The following ABCC4 variants were observed in gnomAD, a reference collection of about 807,000 sequenced individuals.
The protein encoded by ABCC4 is ATP-binding cassette sub-family C member 4.
In ABCC4, 102 loss-of-function variants were observed where a neutral mutation model predicts 168.5. The ratio of observed to expected loss-of-function variants is 0.61; its 90% CI spans 0.52 to 0.71. The LOEUF is 0.71. Ranked by LOEUF, ABCC4 falls within the 30% of genes least tolerant of loss-of-function variation. The probability of loss-of-function intolerance (pLI) is 0.00; values close to 1 mark genes in which losing one functional copy is unlikely to be tolerated. For synonymous variants in ABCC4, 617 were observed against 590.7 expected, an observed-to-expected ratio of 1.04 and a Z score of -0.65; for missense variants, 1,402 against 1,605.8, an observed-to-expected ratio of 0.87 and a Z score of 2.17.
intron 19 of ABCC4, among the ~76,000 whole-genome samples, chr13:95,157,098 A>G (rs1397758149): frequency 6.9e-6 from 1 of 145,616 alleles, no homozygotes; most frequent in Non-Finnish European, 1.5e-5. Flanking sequence ...CCACACACAC[A>G]CACACACACA....
chr13:95,059,490 G>T (rs1396821627), intron 26 of ABCC4, among the ~76,000 whole-genome samples: 1 of 152,188 alleles, frequency 6.6e-6, no homozygotes, highest in Non-Finnish European at 1.5e-5. Flanking sequence ...CTGCCTGCTC[G>T]CGAAATGCAA....
intron 19 of ABCC4, among the ~76,000 whole-genome samples, chr13:95,125,909 C>A (rs2139436626): frequency 6.6e-6 from 1 of 152,280 alleles, no homozygotes; most frequent in East Asian, 1.9e-4. Flanking sequence ...ACGTAGCATC[C>A]AGAAGGTACA....
intron 15 of ABCC4, among the ~76,000 whole-genome samples, chr13:95,164,755 C>T (rs748811416): frequency 6.6e-6 from 1 of 152,026 alleles, no homozygotes; most frequent in Non-Finnish European, 1.5e-5. Context: ...AGTGTAGTGG[C>T]GCGATCTTGG....
chr13:95,191,140 G>C (rs911536128), intron 9 of ABCC4, among the ~76,000 whole-genome samples: 1 of 152,206 alleles, frequency 6.6e-6, no homozygotes, highest in African/African-American at 2.4e-5. Context: ...TCTCAAGCGG[G>C]CATGTGCAAT....
intron 1 of ABCC4, among the ~76,000 whole-genome samples, chr13:95,300,809 G>C (rs957568830): frequency 2.0e-5 from 3 of 152,240 alleles, no homozygotes; most frequent in Non-Finnish European, 4.4e-5. Context: ...AGGTGCGTTT[G>C]AGTTCAGGAG....
At chr13:95,218,984 AGAGTG>A (rs764261040) in intron 4 of ABCC4, among the ~76,000 whole-genome samples, 2,477 of 38,830 alleles carry the variant, frequency 0.064, 244 homozygotes, top group African/African-American at 0.18. Context: ...AAAGAAAGAA[AGAGTG>A]AGAAAGAAAG....
intron 19 of ABCC4, among the ~76,000 whole-genome samples, chr13:95,123,617 C>T (rs146471195): frequency 3.0e-3 from 455 of 152,308 alleles, no homozygotes; most frequent in African/African-American, 0.011. Flanking sequence ...CCACCTCAGC[C>T]TCCAAAGTGC....
At chr13:95,299,019 G>A (rs750957097) in intron 1 of ABCC4, among the ~76,000 whole-genome samples, 3 of 152,014 alleles carry the variant, frequency 2.0e-5, no homozygotes, top group East Asian at 1.9e-4. Flanking sequence ...TTGGGTGGCC[G>A]AAGCGGGAGG....
chr13:95,178,896 T>C (rs917109055), intron 11 of ABCC4, among the ~76,000 whole-genome samples: 2 of 152,160 alleles, frequency 1.3e-5, no homozygotes, highest in African/African-American at 2.4e-5. Flanking sequence ...GTAGCACCTA[T>C]AGGATCTGCT....
chr13:95,179,708 C>G (rs2037827199), intron 11 of ABCC4, among the ~76,000 whole-genome samples: 1 of 152,142 alleles, frequency 6.6e-6, no homozygotes, highest in African/African-American at 2.4e-5. Flanking sequence ...AAGCATCAAC[C>G]TAGGACACTA....
At position 95,206,224 on chromosome 13, in the gene ABCC4, T is replaced by C. The variant is rs1030508322; in HGVS notation, c.1161+308A>G. Among the ~76,000 whole-genome samples, 7 of 152,228 alleles carry C rather than the reference T, an allele frequency of 4.6e-5. 1 individual carries two copies. Among genetic ancestry groups the C allele is most frequent in the Admixed American group, 2.6e-4 (4 of 15,292 alleles). On this transcript the variant is annotated intron_variant, in intron 8 of 30. Transcript: ENST00000645237. ...ATTGGTGTTAACATAAGAGATGAAA[T>C]CTATTTGCTTTTCCTGCTTTTAGAC...
intron 1 of ABCC4, among the ~76,000 whole-genome samples, chr13:95,269,578 C>T (rs1026039500): frequency 1.3e-5 from 2 of 151,886 alleles, no homozygotes; most frequent in African/African-American, 4.8e-5. Flanking sequence ...AGAACAGGGA[C>T]CAGCAAAATC....
chr13:95,275,052 G>A (rs2040940204), intron 1 of ABCC4, among the ~76,000 whole-genome samples: 1 of 152,154 alleles, frequency 6.6e-6, no homozygotes, highest in Non-Finnish European at 1.5e-5. Context: ...ACTCCAGCCT[G>A]GGCAACAGAG....
At chr13:95,277,343 G>A (rs190236278) in intron 1 of ABCC4, among the ~76,000 whole-genome samples, 175 of 152,010 alleles carry the variant, frequency 1.2e-3, no homozygotes, top group African/African-American at 3.9e-3. Flanking sequence ...CACTTTGGGA[G>A]GCCAAGGAGG....
At chr13:95,130,885 T>C (rs866129909) in intron 19 of ABCC4, among the ~76,000 whole-genome samples, 1 of 152,190 alleles carries the variant, frequency 6.6e-6, no homozygotes, top group African/African-American at 2.4e-5. Flanking sequence ...AACTGCTATA[T>C]GGCATTTCCG....
intron 1 of ABCC4, among the ~76,000 whole-genome samples, chr13:95,294,350 T>C (rs2041473939): frequency 6.6e-6 from 1 of 151,872 alleles, no homozygotes; most frequent in African/African-American, 2.4e-5. Flanking sequence ...AAGACAGAGA[T>C]AGACTCCGTC....
chr13:95,289,598 A>C (rs1226150377), intron 1 of ABCC4, among the ~76,000 whole-genome samples: 1 of 152,174 alleles, frequency 6.6e-6, no homozygotes, highest in Non-Finnish European at 1.5e-5. Flanking sequence ...CTGGCTGAGC[A>C]CCCACAGAGG....
At position 95,301,345 on chromosome 13, in the gene ABCC4, T is replaced by C; in HGVS notation, c.-31A>G. The C allele has an allele frequency of 6.4e-7, 1 of 1,554,566 alleles. No individual in the cohort carries two copies. Among genetic ancestry groups the C allele is most frequent in the Non-Finnish European group, 8.7e-7 (1 of 1,151,222 alleles). The stretch of plus-strand genomic sequence containing the variant: ...CGGGCGGGGCGGGCGCGGGCCGGGG[T>C]CGCGCTGATCAGGCGGCGGTGGCCG... On this transcript the variant is annotated 5_prime_UTR_variant, in exon 1 of 31. Coordinates refer to ENST00000645237, the MANE Select transcript of ABCC4 (RefSeq NM_005845.5).
rs1416455412 is a variant in ABCC4, at chr13:95,234,708, T to C, written c.433A>G (p.Thr145Ala). The C allele has an allele frequency of 4.3e-6, 7 of 1,614,110 alleles. No homozygotes were observed. The highest frequency in any genetic ancestry group is 2.2e-5 in the East Asian group (1 of 44,872). ...YAYATVLTFC[T>A]LILAILHHLY... ...TGATGCAGTATAGCCAAAATGAGCG[T>C]GCAAAAAGTCAGCACCGTGGCATAG... The change falls in exon 4 of 31, where the codon ACG (threonine) becomes GCG (alanine). Residue 145 changes from threonine to alanine, a missense_variant. By Grantham distance (58) the Thr-to-Ala change is moderately conservative (BLOSUM62 0). Coordinates refer to ENST00000645237, the MANE Select transcript of ABCC4 (RefSeq NM_005845.5).
Sources: gnomAD v4.1 joint callset for allele counts (sites outside exome capture counted in the v4.1 genomes callset) on GRCh38, gnomAD v4.1.1 for gene constraint, MANE v1.5 for transcripts, NCBI Gene and HGNC (gene_info 2026-07-23, HGNC 2026-07-21) for gene names.